Variants in XPO6 observed in about 807,000 individuals in gnomAD.
XPO6 encodes exportin-6.
Under a neutral mutation model 130.0 loss-of-function variants are expected in XPO6, and 3 were observed. That is an observed-to-expected ratio of 0.02 (90% CI 0.01 to 0.06). The LOEUF is 0.06. Among genes scored for constraint, XPO6 ranks in the 10% least tolerant of loss-of-function variants. The pLI is 1.00. For missense variants in XPO6, 970 were observed against 1,393.0 expected (o/e 0.70, Z 4.83); for synonymous variants, 524 against 548.9 (o/e 0.95, Z 0.63).
rs372659773 is a variant in XPO6, at chr16:28,106,744, C to T, written c.2498-247G>A. Among the ~76,000 whole-genome samples the T allele has an allele frequency of 1.3e-5, 2 of 152,162 alleles. No homozygotes were observed. The highest frequency in any genetic ancestry group is 1.9e-4 in the East Asian group (1 of 5,200). ...TCACTACAGGAAATGAAGGTCATCT[C>T]GAACCCTCCCTCATTGCCCGACATC... On this transcript the variant is annotated intron_variant, in intron 18 of 23. Coordinates refer to ENST00000304658, the MANE Select transcript of XPO6 (RefSeq NM_015171.4). This position sits in a 1 kb window ranked among gnomAD's most constrained non-coding sequence, Gnocchi z 4.2.
chr16:28,200,026 G>A (rs536011343), intron 1 of XPO6, among the ~76,000 whole-genome samples: 16 of 152,016 alleles, frequency 1.1e-4, no homozygotes, highest in Non-Finnish European at 1.6e-4. Flanking sequence ...CATGGTGGTG[G>A]GCACCTGTAA....
At chr16:28,185,650 G>A (rs2043681122) in intron 1 of XPO6, among the ~76,000 whole-genome samples, 1 of 152,114 alleles carries the variant, frequency 6.6e-6, no homozygotes, top group South Asian at 2.1e-4. Context: ...ATGGCTCTGG[G>A]GACTGGCAAT....
intron 20 of XPO6, chr16:28,105,663 G>A (rs750029014): frequency 2.3e-5 from 4 of 173,840 alleles, no homozygotes; most frequent in African/African-American, 4.7e-5. Flanking sequence ...ACACTGAAAG[G>A]TTTGTTTGAA....
Position 28,101,502 on chromosome 16 carries a change from C to T in XPO6, c.3232G>A (p.Ala1078Thr). Residue 1078 changes from alanine to threonine, a missense_variant, in exon 23 of 24, where the codon GCC becomes ACC. Coordinates refer to ENST00000304658, the MANE Select transcript of XPO6 (RefSeq NM_015171.4). This position sits in a 1 kb window ranked among gnomAD's most constrained non-coding sequence, Gnocchi z 5.4. The part of the protein sequence containing the change: ...EFLTSCDGVD[A>T]NQKSVLGRNF... ...CGCCCCAGCACACTTTTCTGGTTGG[C>T]ATCCACACCATCACAGCTGGTCAGG... The T allele has an allele frequency of 1.2e-6, 2 of 1,614,252 alleles. No individual in the cohort carries two copies. The highest frequency in any genetic ancestry group is 1.3e-5 in the African/African-American group (1 of 75,070).
chr16:28,112,179 G>A (rs1001555273), intron 16 of XPO6, among the ~76,000 whole-genome samples, 173 bp from the exon 17 acceptor site: 1 of 152,214 alleles, frequency 6.6e-6, no homozygotes, highest in Non-Finnish European at 1.5e-5. Flanking sequence ...ACTTAGGGAG[G>A]AAGATGAAAT....
chr16:28,108,718 G>A (rs955963396), intron 17 of XPO6, among the ~76,000 whole-genome samples: 1 of 152,240 alleles, frequency 6.6e-6, no homozygotes, highest in Non-Finnish European at 1.5e-5. Flanking sequence ...CTTGGCAGCA[G>A]TCTCTGGGTC....
chr16:28,103,795 G>A (rs987656501), intron 21 of XPO6, among the ~76,000 whole-genome samples: 17 of 152,230 alleles, frequency 1.1e-4, no homozygotes, highest in Non-Finnish European at 1.9e-4. Flanking sequence ...GTGTGTGCGC[G>A]CGCATGCGCA....
chr16:28,202,642 C>T (rs1476518523), intron 1 of XPO6, among the ~76,000 whole-genome samples: 1 of 152,142 alleles, frequency 6.6e-6, no homozygotes, highest in Admixed American at 6.5e-5. Context: ...TTAACAGAAC[C>T]AGGGCAAGAC....
Position 28,131,674 on chromosome 16 carries a change from G to A in XPO6, c.1606+660C>T, listed in dbSNP as rs7206116. Reference sequence around the variant, plus strand: ...TCTCTGAACATCAATTTCCTCTTATGTAAAACAGGGGTAACTAGTAATAGC... The same window carrying A: ...TCTCTGAACATCAATTTCCTCTTATATAAAACAGGGGTAACTAGTAATAGC... On this transcript the variant is annotated intron_variant, in intron 12 of 23. Coordinates refer to ENST00000304658, the MANE Select transcript of XPO6 (RefSeq NM_015171.4). Among the ~76,000 whole-genome samples, 544 of 152,276 alleles carry A rather than the reference G, an allele frequency of 3.6e-3. 5 individuals carry two copies. The highest frequency in any genetic ancestry group is 0.013 in the African/African-American group (524 of 41,542).
chr16:28,189,887 C>A (rs1352471880), intron 1 of XPO6, among the ~76,000 whole-genome samples: 1 of 152,206 alleles, frequency 6.6e-6, no homozygotes, highest in East Asian at 1.9e-4. Flanking sequence ...TAAAGTTGAT[C>A]GATGGCAGAA....
At chr16:28,181,401 AT>A (rs1197631719) in intron 1 of XPO6, among the ~76,000 whole-genome samples, 15 of 152,092 alleles carry the variant, frequency 9.9e-5, no homozygotes, top group Admixed American at 8.5e-4. Flanking sequence ...CTCATAGACT[AT>A]TCATCCCTGA....
intron 1 of XPO6, among the ~76,000 whole-genome samples, chr16:28,196,358 A>G (rs2043862831): frequency 6.6e-6 from 1 of 152,188 alleles, no homozygotes; most frequent in Non-Finnish European, 1.5e-5. Flanking sequence ...AAATATCCAG[A>G]ATAAGCAAAT....
intron 5 of XPO6, among the ~76,000 whole-genome samples, chr16:28,167,670 G>A (rs957802092): frequency 6.6e-6 from 1 of 152,164 alleles, no homozygotes; most frequent in African/African-American, 2.4e-5. Flanking sequence ...TTACCTGAGG[G>A]TGGGAACTGT....
intron 1 of XPO6, among the ~76,000 whole-genome samples, chr16:28,185,365 A>C (rs946654008): frequency 6.6e-6 from 1 of 151,844 alleles, no homozygotes; most frequent in Non-Finnish European, 1.5e-5. Flanking sequence ...GCCTCTTAAA[A>C]AATAATAATA....
At chr16:28,170,837 A>G (rs2043437609) in intron 4 of XPO6, among the ~76,000 whole-genome samples, 1 of 152,232 alleles carries the variant, frequency 6.6e-6, no homozygotes. Context: ...CAAGACAAAA[A>G]AAGTACGCCT....
At chr16:28,157,176 G>T (rs1408506790) in intron 6 of XPO6, among the ~76,000 whole-genome samples, 1 of 152,224 alleles carries the variant, frequency 6.6e-6, no homozygotes, top group East Asian at 1.9e-4. Context: ...TCTAATCAAG[G>T]CTGGGCGCGG....
rs570229081 is a variant in XPO6, at chr16:28,126,992, C to A, written c.1607-1144G>T. Among the ~76,000 whole-genome samples, 3 of 152,300 alleles carry A rather than the reference C, an allele frequency of 2.0e-5. No individual in the cohort carries two copies. The South Asian group carries it at 6.2e-4, about 32-fold the overall frequency. ...ACCCTCCTCCTCACACTGGTCACCA[C>A]CAACCCTCCTCCCGCTGTGCTCCAA... On this transcript the variant is annotated intron_variant, in intron 12 of 23. Coordinates refer to ENST00000304658, the MANE Select transcript of XPO6 (RefSeq NM_015171.4).
chr16:28,156,361 G>A lies in XPO6; in HGVS notation c.810C>T (p.Leu270=), dbSNP rs1261452599. ...GTGCAAAGTGGAAGATGGTGGTAAG[G>A]AGGGATGGGGTGATGCTGGCAGACA... is the stretch of plus-strand genomic sequence containing the variant. ...IPLSASITPS[L]LTTIFHFARF... The change falls in exon 7 of 24, where the codon CTC becomes CTT. Residue 270 remains leucine (L), a synonymous_variant. Coordinates refer to ENST00000304658, the MANE Select transcript of XPO6 (RefSeq NM_015171.4). 6.2e-7 allele frequency: 1 copy of A among 1,614,084 alleles called. No homozygotes were observed. Among genetic ancestry groups the A allele is most frequent in the South Asian group, 1.1e-5 (1 of 91,076 alleles).
chr16:28,206,223 A>G (rs1378572714), intron 1 of XPO6, among the ~76,000 whole-genome samples: 2 of 151,884 alleles, frequency 1.3e-5, no homozygotes, highest in African/African-American at 2.4e-5. Context: ...TGTAAACTTC[A>G]TAGCAGGAAG....
Sources: gnomAD v4.1 joint callset for allele counts (sites outside exome capture counted in the v4.1 genomes callset) on GRCh38, gnomAD v4.1.1 for gene constraint, Gnocchi (gnomAD v3.1) non-coding constraint, MANE v1.5 for transcripts, NCBI Gene and HGNC (gene_info 2026-07-23, HGNC 2026-07-21) for gene names.